Variants in MTAP observed in about 807,000 individuals in gnomAD.
The protein encoded by MTAP is S-methyl-5'-thioadenosine phosphorylase.
Under a neutral mutation model 33.6 loss-of-function variants are expected in MTAP, and 33 were observed. That is an observed-to-expected ratio of 0.98 (90% CI 0.74 to 1.31). The LOEUF (loss-of-function observed/expected upper bound fraction) is 1.31, where lower values mean the gene tolerates loss of function less well. Among genes scored for constraint, MTAP ranks in the 40% most tolerant of loss-of-function variants. The pLI, the probability that MTAP is intolerant of heterozygous loss-of-function variation, is 0.00. For synonymous variants in MTAP, 148 were observed against 125.7 expected, an observed-to-expected ratio of 1.18 and a Z score of -1.19; for missense variants, 367 against 360.0, an observed-to-expected ratio of 1.02 and a Z score of -0.16.
intron 1 of MTAP, chr9:21,811,869 T>C: frequency 2.4e-6 from 1 of 423,586 alleles, no homozygotes. Context: ...GCCGGACATC[T>C]TTAGCCCTGA....
Position 21,816,738 on chromosome 9 carries a change from A to G in MTAP, c.145A>G (p.Lys49Glu). 1 of 1,611,986 alleles carries G rather than the reference A, an allele frequency of 6.2e-7. No homozygotes were observed. The highest frequency in any genetic ancestry group is 1.1e-5 in the South Asian group (1 of 90,528). Residue 49 changes from lysine to glutamate, a missense_variant, in exon 3 of 8, where the codon AAG becomes GAG. Coordinates refer to ENST00000644715, the MANE Select transcript of MTAP (RefSeq NM_002451.4). ...GCCATCTGATGCCTTAATTTTGGGG[A>G]AGATAAAAAATGTTGATTGCGTCCT... The part of the protein sequence containing the change: ...GKPSDALILG[K>E]IKNVDCVLLA...
intron 4 of MTAP, among the ~76,000 whole-genome samples, chr9:21,831,645 G>C (rs947458784): frequency 2.0e-5 from 3 of 152,154 alleles, no homozygotes; most frequent in Non-Finnish European, 4.4e-5. Context: ...TTTTAGAAAA[G>C]GATCAGATGA....
downstream of MTAP, among the ~76,000 whole-genome samples, chr9:21,940,597 C>CTTCCTCATGTTCAA (rs1819122053): frequency 6.6e-6 from 1 of 152,184 alleles, no homozygotes; most frequent in Non-Finnish European, 1.5e-5. Flanking sequence ...CCCTTGACCT[C>CTTCCTCATGTTCAA]TTCCTCATGT....
chr9:21,846,236 C>T (rs560773179), intron 5 of MTAP, among the ~76,000 whole-genome samples: 1 of 152,174 alleles, frequency 6.6e-6, no homozygotes, highest in Admixed American at 6.5e-5. Context: ...AAAGCAAATG[C>T]AACAAAAACT....
chr9:21,910,201 C>A (rs1818547729), intron 1 of MTAP, among the ~76,000 whole-genome samples: 1 of 151,914 alleles, frequency 6.6e-6, no homozygotes, highest in Non-Finnish European at 1.5e-5. Context: ...AAAACACTTA[C>A]AATGGGCCAG....
At chr9:21,905,933 G>A (rs148978673) in intron 1 of MTAP, among the ~76,000 whole-genome samples, 67 of 152,296 alleles carry the variant, frequency 4.4e-4, no homozygotes, top group African/African-American at 1.5e-3. Flanking sequence ...TTGTGTAAAA[G>A]GCAGCTTTCA....
intron 5 of MTAP, among the ~76,000 whole-genome samples, chr9:21,838,440 C>T (rs914141815): frequency 6.6e-6 from 1 of 152,152 alleles, no homozygotes; most frequent in Non-Finnish European, 1.5e-5. Context: ...TAGCATGTAC[C>T]TTATAAGACT....
intron 4 of MTAP, among the ~76,000 whole-genome samples, chr9:21,834,211 T>C (rs10965153): frequency 0.34 from 51,326 of 152,116 alleles, 10,672 homozygotes; most frequent in Non-Finnish European, 0.45. Context: ...ACGGGGACTT[T>C]ATAAGGTAAG....
intron 4 of MTAP, among the ~76,000 whole-genome samples, chr9:21,828,460 G>A (rs994811977): frequency 2.0e-5 from 3 of 152,106 alleles, no homozygotes; most frequent in African/African-American, 4.8e-5. Flanking sequence ...GATCACCTGA[G>A]GTCAGGAGTT....
chr9:21,889,702 G>A, intron 1 of MTAP, among the ~76,000 whole-genome samples: 1 of 152,074 alleles, frequency 6.6e-6, no homozygotes. Context: ...CAGGCTCCAG[G>A]CTGGTACCGA....
rs1818484257 is a variant in MTAP, at chr9:21,906,714, T to C, written c.148-24294T>C. On this transcript the variant is annotated intron_variant, in intron 1 of 1. Coordinates refer to the MTAP transcript ENST00000577563. ...AGGAATGAAATTAATTTAGCTTAAATTAAAAGCAACTAAAGATAAAATGAT... is the reference window on the plus strand; with the variant it reads ...AGGAATGAAATTAATTTAGCTTAAACTAAAAGCAACTAAAGATAAAATGAT... 3.9e-5 allele frequency among the ~76,000 whole-genome samples: 6 copies of C among 152,218 alleles called. No individual in the cohort carries two copies. In the South Asian group the frequency reaches 1.2e-3, roughly 32 times the overall value.
chr9:21,834,227 T>A (rs998042861), intron 4 of MTAP, among the ~76,000 whole-genome samples: 1 of 152,200 alleles, frequency 6.6e-6, no homozygotes, highest in African/African-American at 2.4e-5. Context: ...GTAAGTGGGA[T>A]TACTCCCGTT....
At chr9:21,880,067 A>G (rs926421280) in intron 1 of MTAP, among the ~76,000 whole-genome samples, 3 of 152,070 alleles carry the variant, frequency 2.0e-5, no homozygotes, top group African/African-American at 7.2e-5. Context: ...AACAAATTCC[A>G]TTTGTTGGAA....
chr9:21,926,818 T>C (rs1034007322), intron 1 of MTAP, among the ~76,000 whole-genome samples: 2 of 152,046 alleles, frequency 1.3e-5, no homozygotes, highest in African/African-American at 2.4e-5. Context: ...CCAAGGCACA[T>C]CGATTAAGAA....
intron 1 of MTAP, among the ~76,000 whole-genome samples, chr9:21,909,248 G>A (rs1322287026): frequency 6.6e-6 from 1 of 151,912 alleles, no homozygotes; most frequent in Non-Finnish European, 1.5e-5. Context: ...ACTGGGTATA[G>A]GATTCTGGGT....
At chr9:21,935,068 A>G (rs994116671), downstream of MTAP, 8 of 152,160 alleles carry the variant, frequency 5.3e-5, no homozygotes, top group African/African-American at 1.7e-4. Flanking sequence ...AATTGTTAAT[A>G]GGAAAATATT....
At chr9:21,859,210 T>A (rs1825701416) in intron 6 of MTAP, 93 bp from the exon 7 acceptor site, 1 of 1,511,128 alleles carries the variant, frequency 6.6e-7, no homozygotes, top group Non-Finnish European at 8.9e-7. Flanking sequence ...CACAAACATT[T>A]AGGCTGTAGC....
At chr9:21,868,784 C>T (rs996365776), downstream of MTAP, among the ~76,000 whole-genome samples, 1 of 152,126 alleles carries the variant, frequency 6.6e-6, no homozygotes. Flanking sequence ...TGTTTTCCCT[C>T]CTGTTACCAT....
downstream of MTAP, among the ~76,000 whole-genome samples, chr9:21,870,284 T>G (rs1400180303): frequency 6.6e-6 from 1 of 152,236 alleles, no homozygotes; most frequent in Non-Finnish European, 1.5e-5. Context: ...TACTCTAGTA[T>G]TTGTATATAT....
Sources: allele counts gnomAD v4.1 joint callset (sites outside exome capture counted in the v4.1 genomes callset), GRCh38; gene constraint gnomAD v4.1.1; transcripts MANE v1.5; gene names NCBI Gene and HGNC (gene_info 2026-07-23, HGNC 2026-07-21).